Variants in NDUFB4 observed in about 807,000 individuals in gnomAD.
NDUFB4 encodes NADH:ubiquinone oxidoreductase subunit B4, also known as NADH dehydrogenase [ubiquinone] 1 beta subcomplex subunit 4.
NDUFB4 carries 10 observed loss-of-function variants against 14.5 expected under a neutral mutation model. The ratio of observed to expected loss-of-function variants is 0.69; its 90% CI spans 0.43 to 1.17. The LOEUF is 1.17. NDUFB4 is among the 50% of genes most tolerant of loss of function. The pLI is 0.00. For missense variants in NDUFB4, 165 were observed against 161.1 expected, an observed-to-expected ratio of 1.02 and a Z score of -0.13; for synonymous variants, 65 against 63.4, an observed-to-expected ratio of 1.03 and a Z score of -0.12.
intron 2 of NDUFB4, chr3:120,601,752 C>A (rs908294636): frequency 4.9e-6 from 5 of 1,016,996 alleles, no homozygotes; most frequent in Non-Finnish European, 5.9e-6. Context: ...AGCCCCCAGG[C>A]TTGTGTTGCC....
In NDUFB4 at chr3:120,596,438, C is replaced by G; in HGVS notation, c.79C>G (p.Pro27Ala). The G allele has an allele frequency of 1.2e-6, 2 of 1,614,152 alleles. No homozygotes were observed. The highest frequency in any genetic ancestry group is 8.5e-7 in the Non-Finnish European group (1 of 1,180,020). The part of the protein sequence containing the change: ...TLDPAEYNIS[P>A]ETRRAQAERL... The stretch of plus-strand genomic sequence containing the variant: ...CGACCCAGCCGAATACAACATATCT[C>G]CGGAAACCCGGCGGGCGCAAGCCGA... Residue 27 changes from proline to alanine, a missense_variant, in exon 1 of 3, where the codon CCG becomes GCG. Coordinates refer to ENST00000184266, the MANE Select transcript of NDUFB4 (RefSeq NM_004547.6).
chr3:120,600,829 G>A (rs1940046469), intron 1 of NDUFB4: 1 of 360,248 alleles, frequency 2.8e-6, no homozygotes, highest in Non-Finnish European at 5.0e-6. Context: ...AGTTAGATTA[G>A]GTTAGATTAG....
Position 120,596,628 on chromosome 3 carries a change from A to G in NDUFB4, c.180+89A>G. ...CGCAAAGGGTCGGCCACCGCTCCCG[A>G]TCAGTATCTCAGACGCAGGTCCTCT... On this transcript the variant is annotated intron_variant, in intron 1 of 2. Coordinates refer to ENST00000184266, the MANE Select transcript of NDUFB4 (RefSeq NM_004547.6). 7 of 1,405,264 alleles carry G rather than the reference A, an allele frequency of 5.0e-6. No individual in the cohort carries two copies. In the Admixed American group the frequency reaches 7.9e-5, roughly 16 times the overall value. The allele number at this position is 1,405,264 out of a possible 1,614,324, so 87.0% of individuals were successfully genotyped here.
At chr3:120,600,229 C>G (rs1940035671) in intron 1 of NDUFB4, among the ~76,000 whole-genome samples, 1 of 146,946 alleles carries the variant, frequency 6.8e-6, no homozygotes, top group East Asian at 2.1e-4. Context: ...TTATTTTAGT[C>G]CTACAAATCA....
intron 1 of NDUFB4, among the ~76,000 whole-genome samples, chr3:120,597,208 C>G (rs1439434435): frequency 6.6e-6 from 1 of 151,798 alleles, no homozygotes; most frequent in African/African-American, 2.4e-5. Flanking sequence ...TGCTGAAGTT[C>G]TAGGCTTTGG....
rs1379696138 is a variant in NDUFB4 at position 120,596,524 on chromosome 3, C to G, written c.165C>G (p.Asn55Lys). 4 of 1,613,742 alleles carry G rather than the reference C, an allele frequency of 2.5e-6. No individual in the cohort carries two copies. Among genetic ancestry groups the G allele is most frequent in the Non-Finnish European group, 2.5e-6 (3 of 1,179,826 alleles). ...ACCTGCTTCAGTACAACGATCCCAA[C>G]CGCCGAGGGCTCATCGTGAGTGTGG... ...REYLLQYNDP[N>K]RRGLIENPAL... The change falls in exon 1 of 3, where the codon AAC becomes AAG. Residue 55 changes from asparagine (N) to lysine (K), a missense_variant. By Grantham distance (94) the Asn-to-Lys change is moderately conservative (BLOSUM62 0). Coordinates refer to ENST00000184266, the MANE Select transcript of NDUFB4 (RefSeq NM_004547.6).
intron 1 of NDUFB4, among the ~76,000 whole-genome samples, chr3:120,598,292 G>A (rs952447596): frequency 3.3e-5 from 5 of 151,920 alleles, no homozygotes; most frequent in African/African-American, 7.3e-5. Flanking sequence ...GAGCTCAAGC[G>A]ATCCTCCTGT....
intron 1 of NDUFB4, among the ~76,000 whole-genome samples, chr3:120,598,500 G>A (rs778880106): frequency 7.2e-5 from 11 of 152,130 alleles, no homozygotes; most frequent in Admixed American, 1.3e-4. Flanking sequence ...TCTAGTAGGG[G>A]AGACAAGAAA....
At chr3:120,598,892 C>T (rs1353352984) in intron 1 of NDUFB4, among the ~76,000 whole-genome samples, 4 of 152,094 alleles carry the variant, frequency 2.6e-5, no homozygotes, top group African/African-American at 7.2e-5. Context: ...TAGAGAATTT[C>T]GTGATCTGGA....
chr3:120,598,143 C>G (rs1413730912), intron 1 of NDUFB4, among the ~76,000 whole-genome samples: 1 of 151,562 alleles, frequency 6.6e-6, no homozygotes, highest in Non-Finnish European at 1.5e-5. Context: ...ACCTCTGCCT[C>G]CCGGGCTCAA....
At chr3:120,597,250 A>C (rs1054343880) in intron 1 of NDUFB4, among the ~76,000 whole-genome samples, 4 of 151,428 alleles carry the variant, frequency 2.6e-5, no homozygotes, top group African/African-American at 9.7e-5. Flanking sequence ...TCATTGGCTA[A>C]CTCTGTTACC....
In NDUFB4 at chr3:120,602,289, T is replaced by C. The variant is rs377434151; in HGVS notation, c.*19T>C. The C allele has an allele frequency of 3.1e-5, 49 of 1,570,886 alleles. No individual in the cohort carries two copies. Among genetic ancestry groups the C allele is most frequent in the Non-Finnish European group, 4.3e-6 (5 of 1,149,584 alleles). On this transcript the variant is annotated 3_prime_UTR_variant, in exon 3 of 3. Coordinates refer to ENST00000184266, the MANE Select transcript of NDUFB4 (RefSeq NM_004547.6). The stretch of plus-strand genomic sequence containing the variant: ...ATATTAAGTCTGGCAATGATGACTA[T>C]ATGTATTCCTGCCTAAATAAATCAT...
rs1223873949 is a variant in NDUFB4, at chr3:120,596,421, C to T, written c.62C>T (p.Ala21Val). ...LRTLPETLDP[A>V]EYNISPETRR... Reference sequence around the variant, plus strand: ...ACTCTGCCTGAGACCCTCGACCCAGCCGAATACAACATATCTCCGGAAACC... The same window carrying T: ...ACTCTGCCTGAGACCCTCGACCCAGTCGAATACAACATATCTCCGGAAACC... Residue 21 changes from alanine (A) to valine (V), a missense_variant, in exon 1 of 3, where the codon GCC becomes GTC. Physicochemically the swap from Ala to Val is moderately conservative, Grantham distance 64 (BLOSUM62 0). Transcript: ENST00000184266. 3.1e-6 allele frequency: 5 copies of T among 1,614,166 alleles called. No homozygotes were observed. Among genetic ancestry groups the T allele is most frequent in the Non-Finnish European group, 4.2e-6 (5 of 1,179,996 alleles).
rs1449139983 is a variant in NDUFB4 at position 120,602,281 on chromosome 3, G to T, written c.*11G>T. 1.4e-5 allele frequency: 22 copies of T among 1,595,182 alleles called. No homozygotes were observed. The highest frequency in any genetic ancestry group is 1.9e-5 in the Non-Finnish European group (22 of 1,167,678). ...CACCTCTCATATTAAGTCTGGCAAT[G>T]ATGACTATATGTATTCCTGCCTAAA... is the stretch of plus-strand genomic sequence containing the variant. On this transcript the variant is annotated 3_prime_UTR_variant, in exon 3 of 3. Transcript: ENST00000184266.
intron 2 of NDUFB4, 68 bp from the exon 3 acceptor site, chr3:120,602,140 A>G (rs1268923195): frequency 1.5e-5 from 23 of 1,566,774 alleles, no homozygotes; most frequent in Non-Finnish European, 1.3e-5. Flanking sequence ...TTATTTATTT[A>G]TTTTTATCTA....
chr3:120,596,988 CAT>C lies in NDUFB4; in HGVS notation c.180+456_180+457del, dbSNP rs528050061. The stretch of plus-strand genomic sequence containing the variant: ...ATTATATATATATTCTATATATATG[CAT>C]ATATATTATATTCTATATATATGCA... On this transcript the variant is annotated intron_variant, in intron 1 of 2. Coordinates refer to ENST00000184266, the MANE Select transcript of NDUFB4 (RefSeq NM_004547.6). Among the ~76,000 whole-genome samples the C allele has an allele frequency of 7.1e-3, 1,019 of 143,216 alleles. 17 individuals carry two copies. The highest frequency in any genetic ancestry group is 0.011 in the Non-Finnish European group (729 of 66,110). The allele number at this position is 143,216 out of a possible 152,430, so 94.0% of individuals were successfully genotyped here.
chr3:120,601,298 T>G (rs532057093), intron 2 of NDUFB4, 41 bp downstream of exon 2: 111 of 1,610,522 alleles, frequency 6.9e-5, no homozygotes, highest in East Asian at 3.6e-4. Flanking sequence ...GAGTGATAGG[T>G]TCACTTTCTA....
At chr3:120,601,748 C>T in intron 2 of NDUFB4, 5 of 1,018,546 alleles carry the variant, frequency 4.9e-6, no homozygotes, top group Non-Finnish European at 5.9e-6. Context: ...CTGCAGCCCC[C>T]AGGCTTGTGT....
At chr3:120,598,646 G>A (rs1940007139) in intron 1 of NDUFB4, among the ~76,000 whole-genome samples, 1 of 152,144 alleles carries the variant, frequency 6.6e-6, no homozygotes, top group Non-Finnish European at 1.5e-5. Context: ...GAAGCCCTCT[G>A]TTTGAAGGTG....
Sources: allele counts gnomAD v4.1 joint callset (sites outside exome capture counted in the v4.1 genomes callset), GRCh38; gene constraint gnomAD v4.1.1; transcripts MANE v1.5; gene names NCBI Gene and HGNC (gene_info 2026-07-23, HGNC 2026-07-21).